Variants in ZNF780B observed in about 807,000 individuals in gnomAD.
ZNF780B encodes zinc finger protein 780B, also known as zinc finger protein 779.
A neutral mutation model predicts 74.1 loss-of-function variants in ZNF780B; 52 were observed. That is an observed-to-expected ratio of 0.70 (90% CI 0.56 to 0.88). ZNF780B has a LOEUF of 0.88. Among genes scored for constraint, ZNF780B ranks in the 40% least tolerant of loss-of-function variants. The pLI is 0.00. For missense variants in ZNF780B, 953 were observed against 1,007.6 expected (o/e 0.95, Z 0.73); for synonymous variants, 315 against 324.3 (o/e 0.97, Z 0.31).
At chr19:40,044,847 A>G (rs1248286658) in intron 4 of ZNF780B, among the ~76,000 whole-genome samples, 2 of 152,238 alleles carry the variant, frequency 1.3e-5, no homozygotes, top group Non-Finnish European at 2.9e-5. Context: ...GCCCTCACAT[A>G]TCAGTAATCA....
intron 4 of ZNF780B, among the ~76,000 whole-genome samples, chr19:40,039,252 C>T (rs1472629399): frequency 1.3e-5 from 2 of 152,068 alleles, no homozygotes; most frequent in Non-Finnish European, 2.9e-5. Context: ...GAGGGCTCTG[C>T]TCTGTTCCAT....
rs1182933247 is a variant in ZNF780B at position 40,036,209 on chromosome 19, C to A, written c.650G>T (p.Gly217Val). 3 of 1,611,858 alleles carry A rather than the reference C, an allele frequency of 1.9e-6. No homozygotes were observed. Among genetic ancestry groups the A allele is most frequent in the Non-Finnish European group, 2.5e-6 (3 of 1,179,416 alleles). Residue 217 changes from glycine (G) to valine (V), a missense_variant, in exon 5 of 5, where the codon GGT becomes GTT. Physicochemically the swap from Gly to Val is moderately radical, Grantham distance 109. Transcript: ENST00000434248. Reference protein sequence around the residue: ...QLTRHQKFHTGEKTFECKECG... With the variant: ...QLTRHQKFHTVEKTFECKECG... ...TTCCTTACATTCAAAAGTTTTCTCA[C>A]CAGTATGAAATTTCTGATGTCGAGT...
In ZNF780B at chr19:40,036,125, A is replaced by G. The variant is rs756366182; in HGVS notation, c.734T>C (p.Val245Ala). The change falls in exon 5 of 5, where the codon GTT becomes GCT. Residue 245 changes from valine (V) to alanine (A), a missense_variant. By Grantham distance (64) the Val-to-Ala change is moderately conservative. Transcript: ENST00000434248. The stretch of plus-strand genomic sequence containing the variant: ...TTCCTTACATTCAAACAGTTTCTTA[A>G]CTGTGTGAATGTTCTTATGGCGATT... ...QLNRHKNIHT[V>A]KKLFECKECG... is the part of the protein sequence containing the mutation. The G allele has an allele frequency of 6.2e-7, 1 of 1,613,524 alleles. No individual in the cohort carries two copies. Among genetic ancestry groups the G allele is most frequent in the Non-Finnish European group, 8.5e-7 (1 of 1,179,834 alleles).
chr19:40,029,783 G>A lies in ZNF780B; in HGVS notation c.*4574C>T, dbSNP rs1351757523. On this transcript the variant is annotated 3_prime_UTR_variant, in exon 5 of 5. Coordinates refer to ENST00000434248, the MANE Select transcript of ZNF780B (RefSeq NM_001005851.3). ...CATGGGGGACATGAACCAACAAACA[G>A]GGTCAGTCTTAAACATCCTCTTACG... 6.6e-6 allele frequency: 1 copy of A among 151,908 alleles called. No homozygotes were observed. The highest frequency in any genetic ancestry group is 2.4e-5 in the African/African-American group (1 of 41,338). The allele number at this position is 151,908 out of a possible 1,614,324, so 9.4% of individuals were successfully genotyped here.
At chr19:40,045,730 G>A (rs1972905087) in intron 4 of ZNF780B, among the ~76,000 whole-genome samples, 1 of 152,214 alleles carries the variant, frequency 6.6e-6, no homozygotes, top group Non-Finnish European at 1.5e-5. Flanking sequence ...GCTCACACCT[G>A]TAATCCCAGC....
In ZNF780B at chr19:40,048,779, C is replaced by T. The variant is rs758520121; in HGVS notation, c.27G>A (p.Arg9=). 1.4e-4 allele frequency: 230 copies of T among 1,613,998 alleles called. No individual in the cohort carries two copies. The highest frequency in any genetic ancestry group is 8.7e-4 in the Admixed American group (52 of 59,996). Residue 9 remains arginine (R), a synonymous_variant, in exon 3 of 5, where the codon AGG becomes AGA. Transcript: ENST00000434248. MVHGSVTF[R]DVAIDFSQEE... ...CCTGAGAGAAGTCAATGGCCACATC[C>T]CTGAATGTCACTGATCCCTGAAACC...
At chr19:40,043,116 T>C (rs1288626839) in intron 4 of ZNF780B, among the ~76,000 whole-genome samples, 19 of 152,240 alleles carry the variant, frequency 1.2e-4, no homozygotes, top group Non-Finnish European at 2.1e-4. Flanking sequence ...GTTTTCCTTC[T>C]AACAGACAGG....
At position 40,035,468 on chromosome 19, in the gene ZNF780B, C is replaced by G. The variant is rs1177504535; in HGVS notation, c.1391G>C (p.Cys464Ser). The G allele has an allele frequency of 3.7e-6, 6 of 1,613,918 alleles. No homozygotes were observed. In the African/African-American group the frequency reaches 6.7e-5, roughly 18 times the overall value. ...GGGTTTCCCACCAGTATGAATTTGG[C>G]AATGTTGAATAAGTTGGTAATGATA... ...FRYHYQLIQHCQIHTGGKPFE... is the reference protein window; with the variant it reads ...FRYHYQLIQHSQIHTGGKPFE... The change falls in exon 5 of 5, where the codon TGC becomes TCC. Residue 464 changes from cysteine (C) to serine (S), a missense_variant. Transcript: ENST00000434248.
At chr19:40,047,534 A>G in intron 3 of ZNF780B, 64 bp from the exon 4 acceptor site, 1 of 1,067,634 alleles carries the variant, frequency 9.4e-7, no homozygotes. Flanking sequence ...AAACCCTGAG[A>G]CCTAGTTAAA....
Position 40,028,982 on chromosome 19 carries a change from A to G in ZNF780B, c.*5375T>C, listed in dbSNP as rs1189294020. 1.3e-5 allele frequency: 2 copies of G among 152,218 alleles called. No individual in the cohort carries two copies. The highest frequency in any genetic ancestry group is 3.8e-4 in the East Asian group (2 of 5,200). 9.4% of individuals were successfully genotyped at this position (152,218 alleles called of 1,614,324 possible). A position where few individuals can be genotyped will look rare whatever the true frequency, so the allele number is the denominator to read the frequency against. ...TTATTCTAGATAGTCACAGCCAACT[A>G]TCAATAAAAATTACTGGTTCTATAA... is the stretch of plus-strand genomic sequence containing the variant. On this transcript the variant is annotated 3_prime_UTR_variant, in exon 5 of 5. Coordinates refer to ENST00000434248, the MANE Select transcript of ZNF780B (RefSeq NM_001005851.3).
intron 2 of ZNF780B, 200 bp from the exon 3 acceptor site, chr19:40,048,996 GA>G (rs1184652615): frequency 1.4e-6 from 1 of 728,108 alleles, no homozygotes; most frequent in Non-Finnish European, 2.1e-6. Context: ...GACCAAGGTG[GA>G]AGGACTGCTT....
intron 4 of ZNF780B, among the ~76,000 whole-genome samples, chr19:40,039,873 T>C (rs1972546621): frequency 6.6e-6 from 1 of 151,860 alleles, no homozygotes; most frequent in South Asian, 2.1e-4. Context: ...CAATTTGACT[T>C]CCTCTTTTCC....
chr19:40,049,003 T>C, intron 2 of ZNF780B: 2 of 667,122 alleles, frequency 3.0e-6, no homozygotes, highest in Non-Finnish European at 4.8e-6. Context: ...GTGGAAGGAC[T>C]GCTTGAGCCC....
Position 40,035,638 on chromosome 19 carries a change from G to A in ZNF780B, c.1221C>T (p.His407=), listed in dbSNP as rs1186146792. Residue 407 remains histidine (H), a synonymous_variant, in exon 5 of 5, where the codon CAC becomes CAT. Transcript: ENST00000434248. ...GTTTTACATCAGCATGAATACTCTG[G>A]TGTTGAATAAGGTTTGAACTACGAT... ...SFNRSSNLIQ[H]QSIHADVKPY... The A allele has an allele frequency of 1.2e-6, 2 of 1,612,830 alleles. No individual in the cohort carries two copies. The highest frequency in any genetic ancestry group is 2.2e-5 in the East Asian group (1 of 44,744).
intron 4 of ZNF780B, among the ~76,000 whole-genome samples, chr19:40,042,541 A>G (rs1309770031): frequency 1.3e-5 from 2 of 152,224 alleles, no homozygotes; most frequent in Non-Finnish European, 2.9e-5. Flanking sequence ...AGGTACACCA[A>G]TGAGACGTAG....
intron 4 of ZNF780B, among the ~76,000 whole-genome samples, chr19:40,041,346 T>G (rs1324200049): frequency 6.6e-6 from 1 of 152,210 alleles, no homozygotes; most frequent in Non-Finnish European, 1.5e-5. Context: ...AATTTTGGAA[T>G]AGGTGTGGTG....
In ZNF780B at chr19:40,032,318, C is replaced by A. The variant is rs1420579239; in HGVS notation, c.*2039G>T. 1 of 374,370 alleles carries A rather than the reference C, an allele frequency of 2.7e-6. No individual in the cohort carries two copies. Among genetic ancestry groups the A allele is most frequent in the East Asian group, 7.2e-5 (1 of 13,920 alleles). 23.2% of individuals were successfully genotyped at this position (374,370 alleles called of 1,614,324 possible). Reference sequence around the variant, plus strand: ...CTAAGTTCCACAGGGGATTCTGATACCCACCATAATTTGAGAGCATACTTT... The same window carrying A: ...CTAAGTTCCACAGGGGATTCTGATAACCACCATAATTTGAGAGCATACTTT... On this transcript the variant is annotated 3_prime_UTR_variant, in exon 5 of 5. Coordinates refer to ENST00000434248, the MANE Select transcript of ZNF780B (RefSeq NM_001005851.3).
At chr19:40,051,014 C>T (rs997915774) in intron 1 of ZNF780B, among the ~76,000 whole-genome samples, 11 of 152,048 alleles carry the variant, frequency 7.2e-5, no homozygotes, top group South Asian at 2.1e-4. Flanking sequence ...ATAAACAATA[C>T]GATTACATTT....
In ZNF780B at chr19:40,049,022, G is replaced by C. The variant is rs1156701062; in HGVS notation, c.10-226C>G. On this transcript the variant is annotated intron_variant, in intron 2 of 4. Transcript: ENST00000434248. ...AAGGACTGCTTGAGCCCAGGAGTTG[G>C]CAAACAGCCTGGGCAACATAACGAG... 14 of 540,390 alleles carry C rather than the reference G, an allele frequency of 2.6e-5. No homozygotes were observed. In the Admixed American group the frequency reaches 3.8e-4, roughly 15 times the overall value. The allele number at this position is 540,390 out of a possible 1,614,324, so 33.5% of individuals were successfully genotyped here.
Sources: allele counts gnomAD v4.1 joint callset (sites outside exome capture counted in the v4.1 genomes callset), GRCh38; gene constraint gnomAD v4.1.1; transcripts MANE v1.5; gene names NCBI Gene and HGNC (gene_info 2026-07-23, HGNC 2026-07-21).